SCFD2: variants seen among roughly 807,000 people sequenced by gnomAD.
The protein encoded by SCFD2 is sec1 family domain containing 2, also known as sec1 family domain-containing protein 2.
SCFD2 carries 54 observed loss-of-function variants against 58.9 expected under a neutral mutation model. The observed-to-expected ratio is 0.92, with a 90% CI of 0.74 to 1.15. SCFD2 has a LOEUF of 1.15. Among genes scored for constraint, SCFD2 ranks in the 50% most tolerant of loss-of-function variants. The probability of loss-of-function intolerance (pLI) is 0.00; values close to 1 mark genes in which losing one functional copy is unlikely to be tolerated. For synonymous variants in SCFD2, 321 were observed against 335.9 expected, an observed-to-expected ratio of 0.96 and a Z score of 0.49; for missense variants, 805 against 836.6, an observed-to-expected ratio of 0.96 and a Z score of 0.47.
intron 5 of SCFD2, among the ~76,000 whole-genome samples, chr4:52,923,277 G>A (rs902536738): frequency 6.6e-6 from 1 of 152,078 alleles, no homozygotes; most frequent in Non-Finnish European, 1.5e-5. Flanking sequence ...AGGAGTTCGA[G>A]ACCAGCCTGG....
chr4:53,090,666 A>G (rs1038229921), intron 5 of SCFD2, among the ~76,000 whole-genome samples: 1 of 152,152 alleles, frequency 6.6e-6, no homozygotes, highest in African/African-American at 2.4e-5. Context: ...TTATTCAACA[A>G]ATATTTGTGA....
At chr4:53,198,922 G>A (rs77799015) in intron 4 of SCFD2, among the ~76,000 whole-genome samples, 3,518 of 152,128 alleles carry the variant, frequency 0.023, 65 homozygotes, top group Non-Finnish European at 0.034. Flanking sequence ...CATAATTACC[G>A]TCCAAAAGAG....
At chr4:53,060,942 CA>C (rs1332991786) in intron 5 of SCFD2, among the ~76,000 whole-genome samples, 2 of 152,100 alleles carry the variant, frequency 1.3e-5, no homozygotes, top group Non-Finnish European at 2.9e-5. Context: ...GTAACACCTA[CA>C]GTGAATTATA....
chr4:53,283,176 G>A (rs1046099803), intron 3 of SCFD2, among the ~76,000 whole-genome samples: 3 of 152,172 alleles, frequency 2.0e-5, no homozygotes, highest in African/African-American at 4.8e-5. Context: ...TTACCCAGTC[G>A]ATAGTCTCCT....
intron 5 of SCFD2, among the ~76,000 whole-genome samples, chr4:53,095,181 CCA>C (rs1348601261): frequency 1.3e-5 from 2 of 152,096 alleles, no homozygotes; most frequent in Non-Finnish European, 2.9e-5. Context: ...TGTCTACATT[CCA>C]ATAGCTCTTG....
At chr4:53,166,576 C>T (rs1437217933) in intron 4 of SCFD2, among the ~76,000 whole-genome samples, 3 of 151,994 alleles carry the variant, frequency 2.0e-5, no homozygotes, top group African/African-American at 4.8e-5. Flanking sequence ...GTGAGACAAA[C>T]ATAAACCGAT....
chr4:53,257,108 AAC>A (rs56129853), intron 4 of SCFD2, among the ~76,000 whole-genome samples: 6 of 150,310 alleles, frequency 4.0e-5, no homozygotes, highest in Non-Finnish European at 5.9e-5. Context: ...CTAAAAGTGT[AAC>A]ACACACACAC....
chr4:53,263,824 G>T (rs1730900805), intron 4 of SCFD2, among the ~76,000 whole-genome samples: 1 of 152,162 alleles, frequency 6.6e-6, no homozygotes, highest in Non-Finnish European at 1.5e-5. Flanking sequence ...AAGTATTCAG[G>T]TTTTTCAGGC....
chr4:53,044,881 A>T (rs1398260071), intron 5 of SCFD2, among the ~76,000 whole-genome samples: 2 of 70,798 alleles, frequency 2.8e-5, no homozygotes, highest in African/African-American at 9.8e-5. Flanking sequence ...TTAACTCCCC[A>T]CCCCAATTCC....
intron 5 of SCFD2, among the ~76,000 whole-genome samples, chr4:53,073,660 A>C (rs1269331738): frequency 1.3e-5 from 2 of 152,164 alleles, no homozygotes; most frequent in African/African-American, 2.4e-5. Flanking sequence ...ACGTACAGAC[A>C]TACTTCAGAG....
chr4:53,106,493 G>A (rs901567801), intron 5 of SCFD2, among the ~76,000 whole-genome samples: 9 of 152,118 alleles, frequency 5.9e-5, no homozygotes, highest in African/African-American at 1.9e-4. Context: ...TAGAGGAATT[G>A]ATAACTAGAA....
At chr4:53,191,085 C>T (rs188161420) in intron 4 of SCFD2, among the ~76,000 whole-genome samples, 5 of 152,182 alleles carry the variant, frequency 3.3e-5, no homozygotes, top group Admixed American at 6.5e-5. Flanking sequence ...CTGTGGCTCA[C>T]GCCTGTAATC....
At chr4:53,330,663 G>A (rs916309952) in intron 2 of SCFD2, among the ~76,000 whole-genome samples, 4 of 151,922 alleles carry the variant, frequency 2.6e-5, no homozygotes, top group South Asian at 2.1e-4. Flanking sequence ...AAAGACCATC[G>A]AGACTAGGAA....
At chr4:53,208,149 T>TTA (rs1330377203) in intron 4 of SCFD2, among the ~76,000 whole-genome samples, 2 of 151,570 alleles carry the variant, frequency 1.3e-5, no homozygotes, top group Non-Finnish European at 2.9e-5. Flanking sequence ...TTTTTTCTTT[T>TTA]TATATATATA....
intron 4 of SCFD2, among the ~76,000 whole-genome samples, chr4:53,234,077 C>T (rs1175858231): frequency 6.6e-6 from 1 of 152,202 alleles, no homozygotes; most frequent in Non-Finnish European, 1.5e-5. Flanking sequence ...TCATACCAGC[C>T]TATAAAATCC....
intron 4 of SCFD2, among the ~76,000 whole-genome samples, chr4:53,224,559 C>T (rs1729146047): frequency 1.3e-5 from 2 of 152,148 alleles, no homozygotes; most frequent in African/African-American, 2.4e-5. Context: ...CCTACAAAGC[C>T]CAGATATATG....
intron 5 of SCFD2, among the ~76,000 whole-genome samples, chr4:52,997,243 T>C (rs746592394): frequency 1.4e-4 from 22 of 152,190 alleles, no homozygotes; most frequent in Non-Finnish European, 2.8e-4. Flanking sequence ...TATTGTTGGC[T>C]CCATGTGTAG....
intron 4 of SCFD2, among the ~76,000 whole-genome samples, chr4:53,193,688 A>G (rs566159504): frequency 1.3e-5 from 2 of 152,314 alleles, no homozygotes; most frequent in African/African-American, 2.4e-5. Context: ...TTTAAGGGGG[A>G]AAAGAAAAGT....
intron 4 of SCFD2, among the ~76,000 whole-genome samples, chr4:53,200,676 G>GA (rs1027236089): frequency 2.0e-5 from 3 of 151,722 alleles, no homozygotes; most frequent in Non-Finnish European, 4.4e-5. Flanking sequence ...ATCTGGTTTA[G>GA]AAAAAAAATG....
Sources: allele counts gnomAD v4.1 joint callset (sites outside exome capture counted in the v4.1 genomes callset), GRCh38; gene constraint gnomAD v4.1.1; transcripts MANE v1.5; gene names NCBI Gene and HGNC (gene_info 2026-07-23, HGNC 2026-07-21).